The following ARFIP1 variants were observed in gnomAD, a reference collection of about 807,000 sequenced individuals.
The protein encoded by ARFIP1 is arfaptin-1.
ARFIP1 carries 24 observed loss-of-function variants against 42.5 expected under a neutral mutation model. That is an observed-to-expected ratio of 0.57 (90% CI 0.41 to 0.80). The LOEUF (loss-of-function observed/expected upper bound fraction) is 0.80, where lower values mean the gene tolerates loss of function less well. ARFIP1 is among the 30% of genes least tolerant of loss of function. The pLI, the probability that ARFIP1 is intolerant of heterozygous loss-of-function variation, is 0.00. For missense variants in ARFIP1, 354 were observed against 434.0 expected (o/e 0.82, Z 1.64); for synonymous variants, 141 against 153.7 (o/e 0.92, Z 0.61).
intron 8 of ARFIP1, among the ~76,000 whole-genome samples, chr4:152,902,520 G>C (rs1259060608): frequency 6.6e-6 from 1 of 152,054 alleles, no homozygotes; most frequent in African/African-American, 2.4e-5. Flanking sequence ...GGGTGGGCGG[G>C]GGGAGACTAA....
intron 8 of ARFIP1, among the ~76,000 whole-genome samples, chr4:152,905,542 A>ATTGTTTTT (rs1738249188): frequency 2.2e-4 from 10 of 45,950 alleles, no homozygotes; most frequent in African/African-American, 7.9e-4. Context: ...AATTGTAAGA[A>ATTGTTTTT]TTGTTTTTTT....
intron 3 of ARFIP1, 115 bp from the exon 4 acceptor site, chr4:152,870,638 C>A: frequency 1.4e-6 from 1 of 716,554 alleles, no homozygotes; most frequent in Non-Finnish European, 2.4e-6. Flanking sequence ...TTAATTCCAA[C>A]TTTTAATCCT....
intron 1 of ARFIP1, among the ~76,000 whole-genome samples, chr4:152,801,733 A>G (rs1728441896): frequency 6.6e-6 from 1 of 152,200 alleles, no homozygotes; most frequent in African/African-American, 2.4e-5. Flanking sequence ...ACAAAGTTAC[A>G]AAGAGTAGCT....
intron 1 of ARFIP1, among the ~76,000 whole-genome samples, chr4:152,780,889 A>C (rs1030280280): frequency 4.6e-5 from 7 of 152,030 alleles, no homozygotes; most frequent in African/African-American, 1.5e-4. Context: ...TTTTGTTATT[A>C]CTTCCTTTGT....
chr4:152,886,862 T>C (rs552508174), intron 7 of ARFIP1, among the ~76,000 whole-genome samples: 5 of 152,082 alleles, frequency 3.3e-5, no homozygotes, highest in South Asian at 2.1e-4. Flanking sequence ...TGGTTCTCTT[T>C]TGACCCTGAA....
At chr4:152,843,045 G>C (rs898071734) in intron 2 of ARFIP1, among the ~76,000 whole-genome samples, 1 of 152,128 alleles carries the variant, frequency 6.6e-6, no homozygotes, top group Admixed American at 6.5e-5. Context: ...ATTTGGGTAG[G>C]CTCTGTCAGA....
At chr4:152,826,924 A>G (rs937977507) in intron 1 of ARFIP1, among the ~76,000 whole-genome samples, 3 of 152,214 alleles carry the variant, frequency 2.0e-5, no homozygotes, top group African/African-American at 7.2e-5. Context: ...TGAAATAGCC[A>G]ATCACGAAAA....
chr4:152,822,324 A>G (rs1441322078), intron 1 of ARFIP1, among the ~76,000 whole-genome samples: 2 of 149,638 alleles, frequency 1.3e-5, no homozygotes, highest in East Asian at 1.9e-4. Context: ...AAAAAAGACA[A>G]GGTCATTATA....
intron 8 of ARFIP1, among the ~76,000 whole-genome samples, chr4:152,897,763 T>C (rs11939543): frequency 0.14 from 21,144 of 152,150 alleles, 1,563 homozygotes; most frequent in African/African-American, 0.19. Flanking sequence ...GGTGAGTTTT[T>C]AAGTGATCAA....
At chr4:152,839,478 G>C (rs1162869225) in intron 2 of ARFIP1, among the ~76,000 whole-genome samples, 2 of 151,864 alleles carry the variant, frequency 1.3e-5, no homozygotes, top group Non-Finnish European at 2.9e-5. Flanking sequence ...ATCTGCTCGG[G>C]GTATCAAATT....
intron 2 of ARFIP1, among the ~76,000 whole-genome samples, chr4:152,831,352 A>G (rs1731226515): frequency 6.6e-6 from 1 of 152,226 alleles, no homozygotes; most frequent in African/African-American, 2.4e-5. Flanking sequence ...ATCTGATGAA[A>G]GCTGAGGACC....
rs142715431 is a variant in ARFIP1 at position 152,812,409 on chromosome 4, T to A, written c.-9-17216T>A. Among the ~76,000 whole-genome samples the A allele has an allele frequency of 4.3e-3, 652 of 152,304 alleles. 4 individuals carry two copies. Among genetic ancestry groups the A allele is most frequent in the African/African-American group, 0.015 (610 of 41,564 alleles). On this transcript the variant is annotated intron_variant, in intron 1 of 8. Coordinates refer to ENST00000353617, the MANE Select transcript of ARFIP1 (RefSeq NM_001025595.3). The stretch of plus-strand genomic sequence containing the variant: ...GGTCTCCCTATGTTGCCCAGGCTGG[T>A]CTCAAACTCCTGGGCTCAGGCCATT...
In ARFIP1 at chr4:152,888,298, A is replaced by C; in HGVS notation, c.957A>C (p.Glu319Asp). Residue 319 changes from glutamate (E) to aspartate (D), a missense_variant, in exon 8 of 9, where the codon GAA becomes GAC. Physicochemically the swap from Glu to Asp is conservative, Grantham distance 45. Transcript: ENST00000353617. ...NDVSVKLKFL[E>D]ENKVKVLHNQ... ...TTTCTGTCAAATTGAAATTTCTAGA[A>C]GAAAATAAGGTAAATTCTTTACCTT... 6.2e-7 allele frequency: 1 copy of C among 1,601,920 alleles called. No homozygotes were observed. The highest frequency in any genetic ancestry group is 8.5e-7 in the Non-Finnish European group (1 of 1,173,582).
At chr4:152,796,675 T>C (rs539268645) in intron 1 of ARFIP1, 2 of 883,672 alleles carry the variant, frequency 2.3e-6, no homozygotes, top group East Asian at 4.8e-5. Context: ...TTTCTCAGCA[T>C]GGCGCTGTTT....
intron 2 of ARFIP1, among the ~76,000 whole-genome samples, chr4:152,843,657 G>C (rs1174566694): frequency 1.3e-5 from 2 of 152,106 alleles, no homozygotes; most frequent in African/African-American, 2.4e-5. Flanking sequence ...GGAGGATTAT[G>C]GCTGCCTCTG....
At chr4:152,861,506 A>G (rs1024100232) in intron 2 of ARFIP1, among the ~76,000 whole-genome samples, 1 of 152,226 alleles carries the variant, frequency 6.6e-6, no homozygotes, top group Non-Finnish European at 1.5e-5. Context: ...CAAGAAAAAC[A>G]TCAAGTACAT....
At chr4:152,866,610 T>C (rs1244628403) in intron 3 of ARFIP1, among the ~76,000 whole-genome samples, 5 of 148,192 alleles carry the variant, frequency 3.4e-5, no homozygotes, top group East Asian at 2.0e-4. Context: ...ACCTCTCTCC[T>C]GGACGGGGCG....
chr4:152,809,653 C>CGGGGATA, intron 1 of ARFIP1: 1 of 152,164 alleles, frequency 6.6e-6, no homozygotes, highest in South Asian at 2.1e-4. Context: ...AATTTATCCC[C>CGGGGATA]AACTTTGACC....
intron 2 of ARFIP1, among the ~76,000 whole-genome samples, chr4:152,830,959 T>A (rs1418616564): frequency 6.6e-6 from 1 of 152,218 alleles, no homozygotes; most frequent in Non-Finnish European, 1.5e-5. Flanking sequence ...TCGAGGTTTA[T>A]TTTAATGGCA....
Sources: gnomAD v4.1 joint callset for allele counts (sites outside exome capture counted in the v4.1 genomes callset) on GRCh38, gnomAD v4.1.1 for gene constraint, MANE v1.5 for transcripts, NCBI Gene and HGNC (gene_info 2026-07-23, HGNC 2026-07-21) for gene names.